DHX15: variants seen among roughly 807,000 people sequenced by gnomAD.
DHX15 encodes the protein DEAH-box helicase 15, also known as ATP-dependent RNA helicase DHX15.
A neutral mutation model predicts 94.4 loss-of-function variants in DHX15; 11 were observed. That is an observed-to-expected ratio of 0.12 (90% CI 0.07 to 0.19). The LOEUF (loss-of-function observed/expected upper bound fraction) is 0.19. DHX15 is among the 10% of genes least tolerant of loss of function. The pLI, the probability that DHX15 is intolerant of heterozygous loss-of-function variation, is 1.00. For synonymous variants in DHX15, 338 were observed against 329.9 expected, an observed-to-expected ratio of 1.02 and a Z score of -0.27; for missense variants, 304 against 988.5, an observed-to-expected ratio of 0.31 and a Z score of 9.29.
intron 3 of DHX15, among the ~76,000 whole-genome samples, chr4:24,568,552 G>A (rs987069976): frequency 2.0e-5 from 3 of 152,058 alleles, no homozygotes; most frequent in Non-Finnish European, 2.9e-5. Flanking sequence ...CCTATGAAGT[G>A]AACCAAAATC....
At chr4:24,532,164 T>G (rs567675992) in intron 12 of DHX15, among the ~76,000 whole-genome samples, 66 of 152,392 alleles carry the variant, frequency 4.3e-4, no homozygotes, top group African/African-American at 1.5e-3. Context: ...TTAAAATAAC[T>G]GTTCACAGTA....
chr4:24,584,107 C>G (rs977854787), intron 1 of DHX15: 8 of 566,152 alleles, frequency 1.4e-5, no homozygotes, highest in Non-Finnish European at 2.5e-5. Flanking sequence ...ACCCTCCGGA[C>G]TGGGCTGGGC....
intron 6 of DHX15, among the ~76,000 whole-genome samples, chr4:24,547,911 A>ATATATC (rs1721471689): frequency 2.0e-4 from 3 of 15,112 alleles, no homozygotes; most frequent in Admixed American, 1.4e-3. Flanking sequence ...GTGTATATAT[A>ATATATC]TATATATATA....
rs186169396 is a variant in DHX15, at chr4:24,580,842, A to G, written c.71+3481T>C. The G allele has an allele frequency of 3.3e-5, 5 of 152,048 alleles. No individual in the cohort carries two copies. The East Asian group carries it at 9.7e-4, about 30-fold the overall frequency. The allele number at this position is 152,048 out of a possible 1,614,324, so 9.4% of individuals were successfully genotyped here. A position where few individuals can be genotyped will look rare whatever the true frequency, so the allele number is the denominator to read the frequency against. On this transcript the variant is annotated intron_variant, in intron 1 of 13. Coordinates refer to ENST00000336812, the MANE Select transcript of DHX15 (RefSeq NM_001358.3). The stretch of plus-strand genomic sequence containing the variant: ...AATAAGCACTGCTTTTTATCCGTCA[A>G]TCTTATTTCCAGGAACCTCTCAAGG...
rs762067334 is a variant in DHX15, at chr4:24,556,308, A to G, written c.804T>C (p.Ala268=). The G allele has an allele frequency of 1.9e-6, 3 of 1,613,798 alleles. No individual in the cohort carries two copies. The highest frequency in any genetic ancestry group is 2.5e-6 in the Non-Finnish European group (3 of 1,179,764). Residue 268 remains alanine, a synonymous_variant, in exon 4 of 14, where the codon GCT becomes GCC. Transcript: ENST00000336812. ...TCAGAACACCCATTAGAATATCTGTAGCCAGTGTCCTCTCATGAGCCTCAT... is the reference window on the plus strand; with the variant it reads ...TCAGAACACCCATTAGAATATCTGTGGCCAGTGTCCTCTCATGAGCCTCAT... ...ILDEAHERTL[A]TDILMGVLKE...
At position 24,546,706 on chromosome 4, in the gene DHX15, T is replaced by C. The variant is rs116692829; in HGVS notation, c.1248+2149A>G. 6.0e-3 allele frequency among the ~76,000 whole-genome samples: 919 copies of C among 152,298 alleles called. 11 individuals carry two copies. The highest frequency in any genetic ancestry group is 0.021 in the African/African-American group (866 of 41,542). On this transcript the variant is annotated intron_variant, in intron 6 of 13. Coordinates refer to ENST00000336812, the MANE Select transcript of DHX15 (RefSeq NM_001358.3). ...TTTTATTAGTACCACAATCAAGTTA[T>C]AAAATCTATTTTTCATAAACTAATA...
chr4:24,533,170 T>C (rs1325105641), intron 11 of DHX15, 116 bp from the exon 12 acceptor site: 2 of 898,554 alleles, frequency 2.2e-6, no homozygotes, highest in Admixed American at 3.8e-5. Context: ...AAAGGAGATT[T>C]ACCCACAACA....
At chr4:24,551,310 G>GT (rs140867489) in intron 5 of DHX15, among the ~76,000 whole-genome samples, 11,188 of 152,016 alleles carry the variant, frequency 0.074, 444 homozygotes, top group African/African-American at 0.1. Flanking sequence ...CAAAGTGCGT[G>GT]TTTTTTTCAA....
chr4:24,531,674 G>A (rs1278256205), intron 12 of DHX15, among the ~76,000 whole-genome samples: 1 of 151,976 alleles, frequency 6.6e-6, no homozygotes, highest in Non-Finnish European at 1.5e-5. Context: ...AGCCGTGATT[G>A]CACCACTGCA....
At chr4:24,556,141 C>T in intron 4 of DHX15, 110 bp downstream of exon 4, 1 of 843,138 alleles carries the variant, frequency 1.2e-6, no homozygotes, top group Non-Finnish European at 1.7e-6. Flanking sequence ...TTACTAGTTC[C>T]TTCTTTTACA....
chr4:24,533,991 A>G (rs558578264), intron 11 of DHX15: 1 of 152,350 alleles, frequency 6.6e-6, no homozygotes, highest in African/African-American at 2.4e-5. Context: ...CTCTGCCTTA[A>G]TGTTTTTTAG....
chr4:24,550,874 A>G (rs1309591036), intron 5 of DHX15, among the ~76,000 whole-genome samples: 1 of 152,224 alleles, frequency 6.6e-6, no homozygotes, highest in Non-Finnish European at 1.5e-5. Flanking sequence ...TACTTTTAAA[A>G]CAACTGGCAG....
intron 4 of DHX15, among the ~76,000 whole-genome samples, chr4:24,555,291 G>GA (rs1205147574): frequency 1.4e-5 from 2 of 138,310 alleles, no homozygotes; most frequent in Non-Finnish European, 3.2e-5. Flanking sequence ...TTGCAAATAG[G>GA]AAAAAACAGA....
At chr4:24,530,182 CCA>C (rs766994809) in intron 12 of DHX15, 69 of 236,156 alleles carry the variant, frequency 2.9e-4, no homozygotes, top group Non-Finnish European at 5.3e-4. Flanking sequence ...CTTCATGGGT[CCA>C]CAGAGCCCAA....
chr4:24,559,962 GGAGT>G (rs1283985749), intron 3 of DHX15, among the ~76,000 whole-genome samples: 3 of 152,114 alleles, frequency 2.0e-5, no homozygotes, highest in Non-Finnish European at 4.4e-5. Flanking sequence ...AAACATCCTT[GGAGT>G]AAGTAACAGT....
chr4:24,554,272 T>A (rs1216530780), intron 5 of DHX15, among the ~76,000 whole-genome samples: 2 of 152,202 alleles, frequency 1.3e-5, no homozygotes, highest in African/African-American at 2.4e-5. Flanking sequence ...AAGTAAATTC[T>A]AACTAAGAAC....
chr4:24,537,229 T>C lies in DHX15; in HGVS notation c.1787-56A>G. On this transcript the variant is annotated intron_variant, in intron 10 of 13. Transcript: ENST00000336812. This position sits in a 1 kb window ranked among gnomAD's most constrained non-coding sequence, Gnocchi z 4.7. Reference sequence around the variant, plus strand: ...ACGCCCATATCGATGAGTCACGCATTCACAGATAGAGGAACAAGGCCTAGC... The same window carrying C: ...ACGCCCATATCGATGAGTCACGCATCCACAGATAGAGGAACAAGGCCTAGC... The C allele has an allele frequency of 6.2e-7, 1 of 1,607,620 alleles. No homozygotes were observed. Among genetic ancestry groups the C allele is most frequent in the Non-Finnish European group, 8.5e-7 (1 of 1,176,396 alleles).
intron 5 of DHX15, among the ~76,000 whole-genome samples, chr4:24,553,099 G>C (rs1721647894): frequency 6.6e-6 from 1 of 152,086 alleles, no homozygotes. Context: ...GAGGCGGGTG[G>C]ATCACCTGAA....
intron 11 of DHX15, among the ~76,000 whole-genome samples, chr4:24,536,452 A>T (rs1320985623): frequency 1.3e-5 from 2 of 151,988 alleles, no homozygotes; most frequent in African/African-American, 2.4e-5. Flanking sequence ...AACTAACCCC[A>T]CTCCCATACA....
Sources: gnomAD v4.1 joint callset for allele counts (sites outside exome capture counted in the v4.1 genomes callset) on GRCh38, gnomAD v4.1.1 for gene constraint, Gnocchi (gnomAD v3.1) non-coding constraint, MANE v1.5 for transcripts, NCBI Gene and HGNC (gene_info 2026-07-23, HGNC 2026-07-21) for gene names.